ZNF704: variants seen among roughly 807,000 people sequenced by gnomAD.
ZNF704 encodes the protein zinc finger protein 704, also known as glucocorticoid induced gene 1.
In ZNF704, 10 loss-of-function variants were observed where a neutral mutation model predicts 44.7. The observed-to-expected ratio is 0.22, with a 90% CI of 0.14 to 0.38. The LOEUF (loss-of-function observed/expected upper bound fraction) is 0.38, where lower values mean the gene tolerates loss of function less well. Among genes scored for constraint, ZNF704 ranks in the 10% least tolerant of loss-of-function variants. The probability of loss-of-function intolerance (pLI) is 1.00; values close to 1 mark genes in which losing one functional copy is unlikely to be tolerated. For missense variants in ZNF704, 390 were observed against 545.5 expected, an observed-to-expected ratio of 0.71 and a Z score of 2.84; for synonymous variants, 211 against 207.6, an observed-to-expected ratio of 1.02 and a Z score of -0.14.
chr8:80,691,014 A>C (rs1248688957), intron 3 of ZNF704, among the ~76,000 whole-genome samples: 1 of 141,080 alleles, frequency 7.1e-6, no homozygotes, highest in Non-Finnish European at 1.6e-5. Context: ...ATCTCAAATT[A>C]AAAAAAAAAA....
chr8:80,824,592 T>C (rs1338636116), intron 1 of ZNF704, among the ~76,000 whole-genome samples: 1 of 152,114 alleles, frequency 6.6e-6, no homozygotes, highest in Admixed American at 6.6e-5. Context: ...AGATACTCCT[T>C]GAGAAGAGCA....
chr8:80,681,471 T>C (rs1209140980), intron 4 of ZNF704, among the ~76,000 whole-genome samples: 1 of 152,146 alleles, frequency 6.6e-6, no homozygotes, highest in Non-Finnish European at 1.5e-5. Context: ...ATACCAGTGG[T>C]TGGTTGCCTG....
intron 2 of ZNF704, among the ~76,000 whole-genome samples, chr8:80,756,564 A>G (rs1807039676): frequency 6.6e-6 from 1 of 152,206 alleles, no homozygotes; most frequent in Non-Finnish European, 1.5e-5. Context: ...CAATTTCTGT[A>G]TATGCACTTC....
intron 2 of ZNF704, among the ~76,000 whole-genome samples, chr8:80,762,551 C>T (rs573591229): frequency 5.3e-5 from 8 of 152,292 alleles, no homozygotes; most frequent in South Asian, 2.1e-4. Flanking sequence ...ATCTAATCAC[C>T]TCCCTCCCTT....
At chr8:80,724,394 G>A (rs1357595739) in intron 2 of ZNF704, among the ~76,000 whole-genome samples, 2 of 152,208 alleles carry the variant, frequency 1.3e-5, no homozygotes, top group African/African-American at 4.8e-5. Context: ...CTCATGCTGG[G>A]TTTAAGCTCA....
chr8:80,749,590 G>GC (rs778177698), intron 2 of ZNF704: 20 of 153,280 alleles, frequency 1.3e-4, no homozygotes, highest in Admixed American at 6.5e-5. Context: ...ATCACCAGCT[G>GC]CCCAACTACC....
chr8:80,809,505 G>C (rs1482728952), intron 2 of ZNF704, among the ~76,000 whole-genome samples: 2 of 152,168 alleles, frequency 1.3e-5, no homozygotes, highest in African/African-American at 2.4e-5. Context: ...TTGAAGAAGT[G>C]AGTGTTTGCC....
intron 1 of ZNF704, among the ~76,000 whole-genome samples, chr8:80,822,765 T>G (rs1462382264): frequency 6.6e-6 from 1 of 152,198 alleles, no homozygotes; most frequent in Non-Finnish European, 1.5e-5. Context: ...GGTATCTCAT[T>G]GTGGTTTCGA....
At chr8:80,757,032 T>C (rs919363468) in intron 2 of ZNF704, among the ~76,000 whole-genome samples, 2 of 152,230 alleles carry the variant, frequency 1.3e-5, no homozygotes, top group Admixed American at 6.5e-5. Context: ...AGCTGAAAAA[T>C]TCCTATTGAC....
chr8:80,682,398 C>T (rs1000703620), intron 4 of ZNF704, among the ~76,000 whole-genome samples: 5 of 152,208 alleles, frequency 3.3e-5, no homozygotes, highest in Admixed American at 2.0e-4. Flanking sequence ...AAGACACATA[C>T]CTGTGAAATA....
rs143473854 is a variant in ZNF704 at position 80,864,430 on chromosome 8, T to C, written c.-22+10141A>G. Among the ~76,000 whole-genome samples, 311 of 152,316 alleles carry C rather than the reference T, an allele frequency of 2.0e-3. 1 individual carries two copies. The highest frequency in any genetic ancestry group is 3.2e-3 in the Non-Finnish European group (217 of 68,022). ...TATTCACCCTCTTAGAAACTCAAAA[T>C]GGCCCTTGGCATATATAGTCAGTAA... On this transcript the variant is annotated intron_variant, in intron 1 of 8. Coordinates refer to ENST00000327835, the MANE Select transcript of ZNF704 (RefSeq NM_001033723.3).
chr8:80,665,248 G>A (rs1355567578), intron 5 of ZNF704, among the ~76,000 whole-genome samples, 166 bp from the exon 6 acceptor site: 1 of 152,042 alleles, frequency 6.6e-6, no homozygotes. Flanking sequence ...CACTTCCAGG[G>A]AACCCTTCCT....
At chr8:80,845,313 T>A (rs779709595) in intron 1 of ZNF704, among the ~76,000 whole-genome samples, 16 of 152,318 alleles carry the variant, frequency 1.1e-4, no homozygotes, top group Non-Finnish European at 1.3e-4. Context: ...TTTGATTTCC[T>A]CACACTGGAA....
chr8:80,821,314 T>C (rs1303063261), intron 2 of ZNF704, 60 bp downstream of exon 2: 6 of 1,502,296 alleles, frequency 4.0e-6, no homozygotes, highest in Non-Finnish European at 9.3e-7. Flanking sequence ...TGGCAGAGAT[T>C]ATGCATGCTC....
intron 2 of ZNF704, among the ~76,000 whole-genome samples, chr8:80,801,921 G>C (rs1203497072): frequency 6.6e-6 from 1 of 151,616 alleles, no homozygotes; most frequent in Non-Finnish European, 1.5e-5. Context: ...ATGGATAGAT[G>C]GCCAGGCCAG....
intron 7 of ZNF704, among the ~76,000 whole-genome samples, chr8:80,656,638 T>G (rs1293113852): frequency 6.6e-6 from 1 of 152,198 alleles, no homozygotes; most frequent in Non-Finnish European, 1.5e-5. Flanking sequence ...GGGAACTTAT[T>G]AAAGTCCAAT....
intron 2 of ZNF704, among the ~76,000 whole-genome samples, chr8:80,799,595 A>T (rs1563557587): frequency 6.6e-6 from 1 of 152,216 alleles, no homozygotes; most frequent in African/African-American, 2.4e-5. Flanking sequence ...TAAAAGAAAA[A>T]CAAACAGAAA....
chr8:80,824,668 C>A (rs984049406), intron 1 of ZNF704, among the ~76,000 whole-genome samples: 1 of 152,142 alleles, frequency 6.6e-6, no homozygotes, highest in African/African-American at 2.4e-5. Flanking sequence ...TAAGGGCAGC[C>A]AGAGAGAAAA....
chr8:80,870,675 AC>A (rs1563584027), intron 1 of ZNF704, among the ~76,000 whole-genome samples: 1 of 152,000 alleles, frequency 6.6e-6, no homozygotes, highest in Admixed American at 6.5e-5. Flanking sequence ...CTCCATTTAC[AC>A]CCAAACTTAA....
Sources: allele counts gnomAD v4.1 joint callset (sites outside exome capture counted in the v4.1 genomes callset), GRCh38; gene constraint gnomAD v4.1.1; transcripts MANE v1.5; gene names NCBI Gene and HGNC (gene_info 2026-07-23, HGNC 2026-07-21).